ACBD6: variants seen among roughly 807,000 people sequenced by gnomAD.
ACBD6 encodes acyl-CoA-binding domain-containing protein 6.
Under a neutral mutation model 37.2 loss-of-function variants are expected in ACBD6, and 28 were observed. The observed-to-expected ratio is 0.75, with a 90% CI of 0.56 to 1.03. The LOEUF (loss-of-function observed/expected upper bound fraction) is 1.03, where lower values mean the gene tolerates loss of function less well. ACBD6 is among the 50% of genes least tolerant of loss of function. The pLI is 0.00. For synonymous variants in ACBD6, 113 were observed against 126.8 expected, an observed-to-expected ratio of 0.89 and a Z score of 0.73; for missense variants, 340 against 337.4, an observed-to-expected ratio of 1.01 and a Z score of -0.06.
At chr1:180,481,302 A>G (rs1354688034) in intron 3 of ACBD6, among the ~76,000 whole-genome samples, 1 of 152,102 alleles carries the variant, frequency 6.6e-6, no homozygotes, top group East Asian at 1.9e-4. Flanking sequence ...GGATCACAGA[A>G]AAGATCAGGG....
chr1:180,502,526 G>A lies in ACBD6; in HGVS notation c.-260C>T. The A allele has an allele frequency of 1.9e-6, 1 of 527,162 alleles. No homozygotes were observed. The highest frequency in any genetic ancestry group is 3.4e-6 in the Non-Finnish European group (1 of 290,384). 32.7% of individuals were successfully genotyped at this position (527,162 alleles called of 1,614,324 possible). On this transcript the variant is annotated 5_prime_UTR_variant, in exon 1 of 8. Coordinates refer to ENST00000367595, the MANE Select transcript of ACBD6 (RefSeq NM_032360.4). ...CTCCGGCTTCCCTCCGGCCAACAGC[G>A]CGCTCAGGCTCGCCTCAGGCCCCTC...
chr1:180,334,346 T>C (rs1403377204), intron 6 of ACBD6, among the ~76,000 whole-genome samples: 1 of 152,128 alleles, frequency 6.6e-6, no homozygotes, highest in East Asian at 1.9e-4. Flanking sequence ...GCAGCAACAT[T>C]TGCTGTTCAC....
At chr1:180,353,785 C>CAAGA (rs71571243) in intron 6 of ACBD6, among the ~76,000 whole-genome samples, 1 of 19,754 alleles carries the variant, frequency 5.1e-5, no homozygotes, top group African/African-American at 2.9e-4. Flanking sequence ...TTAACAACCA[C>CAAGA]AAAAAAAAAA....
chr1:180,333,658 A>C (rs1248226580), intron 6 of ACBD6, among the ~76,000 whole-genome samples: 1 of 152,338 alleles, frequency 6.6e-6, no homozygotes. Context: ...GGAGTGTCAG[A>C]AAGTGGGTGC....
intron 6 of ACBD6, among the ~76,000 whole-genome samples, chr1:180,337,304 T>C (rs146187127): frequency 0.9 from 136,889 of 152,154 alleles, 61,726 homozygotes; most frequent in East Asian, 0.97. Flanking sequence ...GCTTATCCAC[T>C]GTGATCAAGT....
chr1:180,444,846 T>C (rs1460786484), intron 3 of ACBD6, among the ~76,000 whole-genome samples: 1 of 152,234 alleles, frequency 6.6e-6, no homozygotes, highest in African/African-American at 2.4e-5. Flanking sequence ...GTTGGCTAAA[T>C]CTTTATCACT....
chr1:180,291,818 T>C (rs1477172173), intron 7 of ACBD6, among the ~76,000 whole-genome samples: 1 of 152,196 alleles, frequency 6.6e-6, no homozygotes, highest in East Asian at 1.9e-4. Flanking sequence ...TCCTCTTACA[T>C]ATACATCTAA....
intron 3 of ACBD6, among the ~76,000 whole-genome samples, chr1:180,488,557 C>A (rs2102083087): frequency 6.6e-6 from 1 of 151,970 alleles, no homozygotes; most frequent in Non-Finnish European, 1.5e-5. Flanking sequence ...AGGTCTAAAT[C>A]CAGTGCCATC....
chr1:180,475,660 C>T (rs1029058820), intron 3 of ACBD6, among the ~76,000 whole-genome samples: 2 of 152,140 alleles, frequency 1.3e-5, no homozygotes, highest in Admixed American at 1.3e-4. Flanking sequence ...GCTGGGATTA[C>T]AGGCATGAGC....
intron 7 of ACBD6, among the ~76,000 whole-genome samples, chr1:180,296,328 G>A (rs1484637923): frequency 6.6e-6 from 1 of 152,222 alleles, no homozygotes; most frequent in Admixed American, 6.5e-5. Flanking sequence ...AAAGTGCAAG[G>A]TAAAGCAGTA....
At chr1:180,291,527 C>A (rs1254630882) in intron 7 of ACBD6, among the ~76,000 whole-genome samples, 1 of 151,990 alleles carries the variant, frequency 6.6e-6, no homozygotes, top group Non-Finnish European at 1.5e-5. Flanking sequence ...TTTATCTGTT[C>A]AAATCTTTTG....
intron 1 of ACBD6, among the ~76,000 whole-genome samples, chr1:180,500,691 T>A (rs1309664712): frequency 7.9e-6 from 1 of 126,696 alleles, no homozygotes; most frequent in Non-Finnish European, 1.6e-5. Flanking sequence ...CAAAACTCCA[T>A]CTCAAAAAAA....
chr1:180,475,677 G>A (rs1650751321), intron 3 of ACBD6, among the ~76,000 whole-genome samples: 1 of 152,114 alleles, frequency 6.6e-6, no homozygotes, highest in Non-Finnish European at 1.5e-5. Context: ...GAGCCACCAT[G>A]TTATGTATAC....
At chr1:180,360,110 T>C (rs1236640654) in intron 6 of ACBD6, among the ~76,000 whole-genome samples, 2 of 152,224 alleles carry the variant, frequency 1.3e-5, no homozygotes, top group Admixed American at 6.5e-5. Flanking sequence ...TATTATGCAA[T>C]TGGTTATAGA....
At chr1:180,424,972 TCCCAGGGGACC>T (rs1648525622) in intron 4 of ACBD6, among the ~76,000 whole-genome samples, 1 of 152,180 alleles carries the variant, frequency 6.6e-6, no homozygotes, top group Non-Finnish European at 1.5e-5. Context: ...GACCCACATG[TCCCAGGGGACC>T]CATTTTCACA....
chr1:180,345,655 A>G (rs892190738), intron 6 of ACBD6, among the ~76,000 whole-genome samples: 1 of 152,192 alleles, frequency 6.6e-6, no homozygotes, highest in African/African-American at 2.4e-5. Flanking sequence ...GCAATTTCAA[A>G]TGATGGTCAT....
At chr1:180,470,214 A>T (rs1650506515) in intron 3 of ACBD6, among the ~76,000 whole-genome samples, 1 of 152,164 alleles carries the variant, frequency 6.6e-6, no homozygotes, top group Non-Finnish European at 1.5e-5. Flanking sequence ...TAGGATCATA[A>T]ATTTCTCAGA....
intron 3 of ACBD6, among the ~76,000 whole-genome samples, chr1:180,440,760 G>T (rs1036929241): frequency 5.3e-5 from 8 of 151,980 alleles, no homozygotes; most frequent in Non-Finnish European, 1.2e-4. Context: ...TGTCTCTATG[G>T]ATTTAACCAT....
At chr1:180,450,863 A>T (rs1335415079) in intron 3 of ACBD6, among the ~76,000 whole-genome samples, 1 of 152,228 alleles carries the variant, frequency 6.6e-6, no homozygotes, top group Non-Finnish European at 1.5e-5. Flanking sequence ...AGTAGAAAAC[A>T]ATAACGATAC....
Sources: gnomAD v4.1 joint callset for allele counts (sites outside exome capture counted in the v4.1 genomes callset) on GRCh38, gnomAD v4.1.1 for gene constraint, MANE v1.5 for transcripts, NCBI Gene and HGNC (gene_info 2026-07-23, HGNC 2026-07-21) for gene names.